Variants in HDAC9 observed in about 807,000 individuals in gnomAD.
HDAC9 encodes histone deacetylase 9, also known as MEF-2 interacting transcription repressor (MITR) protein.
In HDAC9, 41 loss-of-function variants were observed where a neutral mutation model predicts 139.4. The ratio of observed to expected loss-of-function variants is 0.29; its 90% confidence interval spans 0.23 to 0.38. HDAC9 has a LOEUF of 0.38. Among genes scored for constraint, HDAC9 ranks in the 10% least tolerant of loss-of-function variants. The probability of loss-of-function intolerance (pLI) is 1.00; values close to 1 mark genes in which losing one functional copy is unlikely to be tolerated. For missense variants in HDAC9, 1,147 were observed against 1,297.0 expected, an observed-to-expected ratio of 0.88 and a Z score of 1.78; for synonymous variants, 517 against 476.2, an observed-to-expected ratio of 1.09 and a Z score of -1.12.
At chr7:18,158,203 A>T (rs1787367800) in intron 1 of HDAC9, among the ~76,000 whole-genome samples, 1 of 152,236 alleles carries the variant, frequency 6.6e-6, no homozygotes, top group Admixed American at 6.5e-5. Context: ...AGACAACTGT[A>T]ATAAGCTCAG....
At chr7:18,406,042 A>G (rs1412180256) in intron 1 of HDAC9, among the ~76,000 whole-genome samples, 2 of 152,186 alleles carry the variant, frequency 1.3e-5, no homozygotes, top group Admixed American at 6.5e-5. Flanking sequence ...GGTTGTAAAT[A>G]TATGTTTTAA....
chr7:18,709,477 T>C (rs1207152383), intron 12 of HDAC9, among the ~76,000 whole-genome samples: 1 of 152,190 alleles, frequency 6.6e-6, no homozygotes, highest in Non-Finnish European at 1.5e-5. Context: ...AAACTTGATT[T>C]TCTCATTGGC....
chr7:18,882,235 C>G (rs1378314098), intron 22 of HDAC9, among the ~76,000 whole-genome samples: 1 of 151,938 alleles, frequency 6.6e-6, no homozygotes, highest in Admixed American at 6.6e-5. Context: ...CCCATCACTG[C>G]CATTTCTTAG....
intron 1 of HDAC9, among the ~76,000 whole-genome samples, chr7:18,364,877 AC>A (rs1784059345): frequency 1.3e-5 from 2 of 152,100 alleles, no homozygotes; most frequent in Non-Finnish European, 2.9e-5. Flanking sequence ...GGGTGAAAAA[AC>A]GTTAGATAAT....
chr7:18,812,055 T>A (rs540733101), intron 17 of HDAC9, among the ~76,000 whole-genome samples: 4 of 151,922 alleles, frequency 2.6e-5, no homozygotes, highest in Admixed American at 2.6e-4. Flanking sequence ...CTTAATATAA[T>A]GTAAATGTCA....
At chr7:18,923,647 C>G (rs532115008) in intron 22 of HDAC9, among the ~76,000 whole-genome samples, 1 of 152,064 alleles carries the variant, frequency 6.6e-6, no homozygotes, top group Admixed American at 6.6e-5. Context: ...CCGCCTTACC[C>G]GAAATACTCT....
At chr7:18,603,262 C>T (rs565588245) in intron 6 of HDAC9, among the ~76,000 whole-genome samples, 1 of 152,120 alleles carries the variant, frequency 6.6e-6, no homozygotes, top group African/African-American at 2.4e-5. Context: ...CTGACAGCCT[C>T]TCTTCGTGTA....
At chr7:18,339,159 A>G (rs569475836) in intron 1 of HDAC9, among the ~76,000 whole-genome samples, 2 of 150,942 alleles carry the variant, frequency 1.3e-5, no homozygotes, top group African/African-American at 4.8e-5. Context: ...TTTTTTCTCC[A>G]TGATCAGTCA....
At chr7:18,146,280 C>T (rs762042759) in intron 1 of HDAC9, among the ~76,000 whole-genome samples, 13 of 152,168 alleles carry the variant, frequency 8.5e-5, no homozygotes, top group Non-Finnish European at 1.6e-4. Context: ...TCCATTAGTA[C>T]GTTGAATAGT....
chr7:18,348,176 G>C (rs1305778410), intron 1 of HDAC9, among the ~76,000 whole-genome samples: 1 of 152,088 alleles, frequency 6.6e-6, no homozygotes, highest in Non-Finnish European at 1.5e-5. Context: ...AAGCACCCCA[G>C]GTAATTCTTA....
At chr7:18,196,940 T>C (rs1471542397) in intron 2 of HDAC9, among the ~76,000 whole-genome samples, 2 of 152,178 alleles carry the variant, frequency 1.3e-5, no homozygotes, top group Non-Finnish European at 2.9e-5. Context: ...AGGGTGATAC[T>C]GTGAGGGTGA....
At chr7:18,985,518 C>A (rs1282840860) in intron 25 of HDAC9, among the ~76,000 whole-genome samples, 3 of 151,938 alleles carry the variant, frequency 2.0e-5, no homozygotes, top group Admixed American at 6.6e-5. Context: ...TGAATAGTGC[C>A]GCAATAAACG....
intron 1 of HDAC9, among the ~76,000 whole-genome samples, chr7:18,133,238 A>G (rs1785144821): frequency 6.6e-6 from 1 of 152,238 alleles, no homozygotes; most frequent in South Asian, 2.1e-4. Context: ...ATGGCATATC[A>G]GTAAAATACA....
intron 21 of HDAC9, among the ~76,000 whole-genome samples, chr7:18,848,585 T>A (rs1006671746): frequency 6.6e-6 from 1 of 151,870 alleles, no homozygotes; most frequent in Admixed American, 6.6e-5. Context: ...GGCCCAACCA[T>A]CCTGGCACAC....
chr7:18,965,743 T>C (rs1783801707), intron 24 of HDAC9, among the ~76,000 whole-genome samples: 1 of 152,244 alleles, frequency 6.6e-6, no homozygotes, highest in South Asian at 2.1e-4. Context: ...ATTGCCTGAA[T>C]ACTGCTCCTG....
chr7:18,807,095 G>T (rs776478703), intron 17 of HDAC9, among the ~76,000 whole-genome samples: 1 of 152,130 alleles, frequency 6.6e-6, no homozygotes, highest in Admixed American at 6.6e-5. Context: ...GTTTTACTTT[G>T]TTGGGATTTT....
intron 1 of HDAC9, among the ~76,000 whole-genome samples, chr7:18,403,563 A>G: frequency 6.6e-6 from 1 of 152,324 alleles, no homozygotes; most frequent in Non-Finnish European, 1.5e-5. Context: ...TTCTCCATGT[A>G]TATTTGTGAG....
At chr7:18,244,248 G>C (rs1351632205) in intron 2 of HDAC9, among the ~76,000 whole-genome samples, 1 of 152,086 alleles carries the variant, frequency 6.6e-6, no homozygotes, top group Non-Finnish European at 1.5e-5. Context: ...TGGAGTTCTA[G>C]TCATATGAGA....
At chr7:18,407,457 A>G (rs963140506) in intron 1 of HDAC9, among the ~76,000 whole-genome samples, 1 of 152,190 alleles carries the variant, frequency 6.6e-6, no homozygotes, top group East Asian at 1.9e-4. Flanking sequence ...GTTTAGGCAA[A>G]CAAAGAGCCT....
Sources: gnomAD v4.1 joint callset for allele counts (sites outside exome capture counted in the v4.1 genomes callset) on GRCh38, gnomAD v4.1.1 for gene constraint, MANE v1.5 for transcripts, NCBI Gene and HGNC (gene_info 2026-07-23, HGNC 2026-07-21) for gene names.